Variants in PDLIM1 observed in about 807,000 individuals in gnomAD.
PDLIM1 encodes the protein PDZ and LIM domain protein 1.
PDLIM1 carries 25 observed loss-of-function variants against 35.2 expected under a neutral mutation model. The ratio of observed to expected loss-of-function variants is 0.71; its 90% CI spans 0.52 to 0.99. The LOEUF is 0.99. Among genes scored for constraint, PDLIM1 ranks in the 50% least tolerant of loss-of-function variants. The pLI is 0.00. For missense variants in PDLIM1, 363 were observed against 415.3 expected (o/e 0.87, Z 1.09); for synonymous variants, 152 against 154.0 (o/e 0.99, Z 0.10).
intron 4 of PDLIM1, among the ~76,000 whole-genome samples, chr10:95,256,756 G>A (rs563858806): frequency 6.6e-6 from 1 of 152,118 alleles, no homozygotes; most frequent in South Asian, 2.1e-4. Context: ...CAGATCACTT[G>A]AGGTCAGGAG....
At chr10:95,246,490 C>A (rs1459342256) in intron 5 of PDLIM1, among the ~76,000 whole-genome samples, 1 of 152,140 alleles carries the variant, frequency 6.6e-6, no homozygotes, top group Non-Finnish European at 1.5e-5. Context: ...AAAGCTCACC[C>A]CAAGGACAAG....
intron 5 of PDLIM1, among the ~76,000 whole-genome samples, chr10:95,245,948 C>T (rs1373663218): frequency 6.6e-6 from 1 of 152,186 alleles, no homozygotes; most frequent in Non-Finnish European, 1.5e-5. Context: ...CCAGAGGGCA[C>T]AAGCCTCTCA....
rs749030987 is a variant in PDLIM1 at position 95,268,829 on chromosome 10, C to A, written c.282G>T (p.Thr94=). 4.3e-6 allele frequency: 7 copies of A among 1,612,916 alleles called. No individual in the cohort carries two copies. The Admixed American group carries it at 1.2e-4, about 27-fold the overall frequency. The change falls in exon 3 of 7, where the codon ACG becomes ACT. Residue 94 remains threonine, a synonymous_variant. Transcript: ENST00000329399. The stretch of plus-strand genomic sequence containing the variant: ...TGTATGGATGACGCTTCCCTTCCTC[C>A]GTCACCAGAGGAGACCAGACTTTAT... The part of the protein sequence containing the change: ...SEHKVWSPLV[T]EEGKRHPYKM...
intron 4 of PDLIM1, among the ~76,000 whole-genome samples, chr10:95,255,147 A>G (rs1394430657): frequency 6.6e-6 from 1 of 152,052 alleles, no homozygotes; most frequent in Non-Finnish European, 1.5e-5. Flanking sequence ...TCAGTAATCA[A>G]AAACATCCCA....
intron 2 of PDLIM1, among the ~76,000 whole-genome samples, chr10:95,269,289 T>A (rs1293732332): frequency 6.6e-6 from 1 of 152,160 alleles, no homozygotes; most frequent in South Asian, 2.1e-4. Context: ...TAATGCCTCT[T>A]GGCCGGGCGT....
At chr10:95,264,229 G>A (rs533279103) in intron 3 of PDLIM1, among the ~76,000 whole-genome samples, 166 bp from the exon 4 acceptor site, 27 of 152,170 alleles carry the variant, frequency 1.8e-4, no homozygotes, top group African/African-American at 6.0e-4. Flanking sequence ...AGACACACGG[G>A]CAATGACTGG....
intron 1 of PDLIM1, among the ~76,000 whole-genome samples, chr10:95,282,285 G>C (rs1325928773): frequency 1.3e-5 from 2 of 152,212 alleles, no homozygotes; most frequent in African/African-American, 4.8e-5. Context: ...AGAATCTTCT[G>C]ACTCAGTATG....
At chr10:95,278,868 T>G (rs2035537854) in intron 1 of PDLIM1, among the ~76,000 whole-genome samples, 1 of 152,194 alleles carries the variant, frequency 6.6e-6, no homozygotes, top group Non-Finnish European at 1.5e-5. Context: ...TCACCCGTTT[T>G]GGGCCTCTAG....
At chr10:95,242,412 G>A (rs909969975) in intron 5 of PDLIM1, among the ~76,000 whole-genome samples, 9 of 151,970 alleles carry the variant, frequency 5.9e-5, no homozygotes, top group African/African-American at 1.2e-4. Context: ...AAGGCCGGGC[G>A]CAGTGGCTCA....
intron 4 of PDLIM1, among the ~76,000 whole-genome samples, chr10:95,257,014 G>C (rs889957415): frequency 2.7e-5 from 3 of 109,660 alleles, no homozygotes; most frequent in Non-Finnish European, 4.3e-5. Flanking sequence ...AAGAAAGAAA[G>C]AAAGAAAGAA....
chr10:95,240,857 T>C (rs1033260674), intron 5 of PDLIM1, among the ~76,000 whole-genome samples: 5 of 152,092 alleles, frequency 3.3e-5, no homozygotes, highest in African/African-American at 1.2e-4. Flanking sequence ...GCCCCACTCA[T>C]CACATCTTAG....
At position 95,247,220 on chromosome 10, in the gene PDLIM1, T is replaced by C. The variant is rs1044607406; in HGVS notation, c.680A>G (p.Glu227Gly). Reference sequence around the variant, plus strand: ...CTGCAGATGGAGCTGATTACCTTTTTCTTCAGACTCCAGGATTTCCTGCAA... The same window carrying C: ...CTGCAGATGGAGCTGATTACCTTTTCCTTCAGACTCCAGGATTTCCTGCAA... ...LVLQEILESE[E>G]KGDPNKPSGF... The change falls in exon 5 of 7, where the codon GAA becomes GGA. Residue 227 changes from glutamate to glycine, a missense_variant. Physicochemically the swap from Glu to Gly is moderately conservative, Grantham distance 98 (BLOSUM62 -2). Coordinates refer to ENST00000329399, the MANE Select transcript of PDLIM1 (RefSeq NM_020992.4). 1 of 1,612,672 alleles carries C rather than the reference T, an allele frequency of 6.2e-7. No individual in the cohort carries two copies. The highest frequency in any genetic ancestry group is 8.5e-7 in the Non-Finnish European group (1 of 1,179,596).
At position 95,265,581 on chromosome 10, in the gene PDLIM1, G is replaced by A. The variant is rs1314767341; in HGVS notation, c.334-1518C>T. 2.3e-4 allele frequency among the ~76,000 whole-genome samples: 25 copies of A among 110,330 alleles called. No homozygotes were observed. The Admixed American group carries it at 2.8e-3, about 12-fold the overall frequency. The allele number at this position is 110,330 out of a possible 152,430, so 72.4% of individuals were successfully genotyped here. On this transcript the variant is annotated intron_variant, in intron 3 of 6. Coordinates refer to ENST00000329399, the MANE Select transcript of PDLIM1 (RefSeq NM_020992.4). ...TTGCACCCCAGCCTGGGCAACGAGA[G>A]TGGAACTCTGTCAAAAAAAAAAAAA...
At chr10:95,260,832 CTG>C (rs2035355196) in intron 4 of PDLIM1, among the ~76,000 whole-genome samples, 1 of 152,194 alleles carries the variant, frequency 6.6e-6, no homozygotes, top group Non-Finnish European at 1.5e-5. Context: ...GGGACTTGTG[CTG>C]ACTGAGCAAG....
At chr10:95,274,170 T>C (rs1032835049) in intron 1 of PDLIM1, among the ~76,000 whole-genome samples, 4 of 152,128 alleles carry the variant, frequency 2.6e-5, no homozygotes, top group African/African-American at 9.7e-5. Flanking sequence ...GCCTCAGGAC[T>C]TTCACACCTG....
intron 1 of PDLIM1, among the ~76,000 whole-genome samples, chr10:95,277,314 C>T (rs1564605600): frequency 6.6e-6 from 1 of 151,920 alleles, no homozygotes; most frequent in Non-Finnish European, 1.5e-5. Flanking sequence ...GATCACACAA[C>T]TCTTGCTGCA....
Position 95,290,181 on chromosome 10 carries a change from T to C in PDLIM1, c.96+639A>G, listed in dbSNP as rs1353239514. 6.6e-6 allele frequency among the ~76,000 whole-genome samples: 1 copy of C among 152,088 alleles called. No homozygotes were observed. The highest frequency in any genetic ancestry group is 1.5e-5 in the Non-Finnish European group (1 of 68,002). Reference sequence around the variant, plus strand: ...GGGGAAAGAGATAATCTGGGAATGCTAGGAAGAATGACGGCGGGGCCACGT... The same window carrying C: ...GGGGAAAGAGATAATCTGGGAATGCCAGGAAGAATGACGGCGGGGCCACGT... On this transcript the variant is annotated intron_variant, in intron 1 of 6. Transcript: ENST00000329399. This position sits in a 1 kb window ranked among gnomAD's most constrained non-coding sequence, Gnocchi z 4.7.
intron 5 of PDLIM1, among the ~76,000 whole-genome samples, chr10:95,243,561 T>A (rs1176259119): frequency 6.6e-6 from 1 of 152,068 alleles, no homozygotes; most frequent in Non-Finnish European, 1.5e-5. Flanking sequence ...ACCCAAGGAT[T>A]CACCTGGAAC....
chr10:95,282,617 C>G (rs1257961292), intron 1 of PDLIM1, among the ~76,000 whole-genome samples: 1 of 152,128 alleles, frequency 6.6e-6, no homozygotes, highest in Non-Finnish European at 1.5e-5. Flanking sequence ...AAACAGGTAG[C>G]CAAATAGAAT....
Sources: allele counts gnomAD v4.1 joint callset (sites outside exome capture counted in the v4.1 genomes callset), GRCh38; gene constraint gnomAD v4.1.1; non-coding constraint Gnocchi (gnomAD v3.1); transcripts MANE v1.5; gene names NCBI Gene and HGNC (gene_info 2026-07-23, HGNC 2026-07-21).